The following OGDH variants were observed in gnomAD, a reference collection of about 807,000 sequenced individuals.
OGDH encodes oxoglutarate dehydrogenase, also known as 2-oxoglutarate dehydrogenase complex component E1.
In OGDH, 38 loss-of-function variants were observed where a neutral mutation model predicts 116.6. The observed-to-expected ratio is 0.33, with a 90% CI of 0.25 to 0.43. The LOEUF (loss-of-function observed/expected upper bound fraction) is 0.43. Among genes scored for constraint, OGDH ranks in the 20% least tolerant of loss-of-function variants. The pLI, the probability that OGDH is intolerant of heterozygous loss-of-function variation, is 1.00. For missense variants in OGDH, 825 were observed against 1,357.2 expected (o/e 0.61, Z 6.16); for synonymous variants, 488 against 533.3 (o/e 0.92, Z 1.17).
chr7:44,700,116 C>T, intron 18 of OGDH, 25 bp from the exon 19 acceptor site: 1 of 1,613,736 alleles, frequency 6.2e-7, no homozygotes, highest in Non-Finnish European at 8.5e-7. Context: ...GTCCTGGCCT[C>T]TGGCCATTTC....
chr7:44,609,939 T>G (rs772457089), intron 1 of OGDH, among the ~76,000 whole-genome samples: 2 of 152,242 alleles, frequency 1.3e-5, no homozygotes, highest in Non-Finnish European at 2.9e-5. Context: ...TGATGGCTAA[T>G]GATGTTGAAC....
chr7:44,689,088 C>T (rs1039927252), intron 10 of OGDH, among the ~76,000 whole-genome samples: 3 of 151,698 alleles, frequency 2.0e-5, no homozygotes, highest in African/African-American at 7.3e-5. Context: ...CGGGTATATA[C>T]GTAGGAGTAG....
intron 4 of OGDH, among the ~76,000 whole-genome samples, chr7:44,649,546 G>C (rs1020256343): frequency 6.6e-6 from 1 of 152,030 alleles, no homozygotes; most frequent in Non-Finnish European, 1.5e-5. Flanking sequence ...CAAAACATTC[G>C]AACAGGAGAG....
Position 44,694,056 on chromosome 7 carries a change from T to G in OGDH, c.1515+52T>G. 6.5e-7 allele frequency: 1 copy of G among 1,549,984 alleles called. No homozygotes were observed. Among genetic ancestry groups the G allele is most frequent in the Non-Finnish European group, 8.8e-7 (1 of 1,139,574 alleles). ...CTGGGCAGAGCATCTGACCCACCCCTCTTGCCCTCGGCACCCCTGTGTCCC... is the reference window on the plus strand; with the variant it reads ...CTGGGCAGAGCATCTGACCCACCCCGCTTGCCCTCGGCACCCCTGTGTCCC... On this transcript the variant is annotated intron_variant, in intron 11 of 22. Coordinates refer to ENST00000222673, the MANE Select transcript of OGDH (RefSeq NM_002541.4). The surrounding 1 kb of genome is among the most constrained non-coding windows in gnomAD (Gnocchi z 4.2).
rs528560952 is a variant in OGDH, at chr7:44,662,758, A to G, written c.518-3978A>G. 5.0e-4 allele frequency among the ~76,000 whole-genome samples: 76 copies of G among 152,268 alleles called. 2 individuals carry two copies. The South Asian group carries it at 0.011, about 21-fold the overall frequency. The stretch of plus-strand genomic sequence containing the variant: ...ATTACCGGCGTGAGCCACTGTGCCC[A>G]GCCTATACCACTTCTTTCTACCCTC... On this transcript the variant is annotated intron_variant, in intron 4 of 22. Transcript: ENST00000222673.
At chr7:44,627,892 G>A (rs947721391) in intron 2 of OGDH, among the ~76,000 whole-genome samples, 3 of 152,110 alleles carry the variant, frequency 2.0e-5, no homozygotes, top group Non-Finnish European at 4.4e-5. Flanking sequence ...GGCCAGGCTG[G>A]TCTCAAACTC....
rs369203371 is a variant in OGDH at position 44,676,665 on chromosome 7, G to A, written c.1206+516G>A. On this transcript the variant is annotated intron_variant, in intron 9 of 22. Coordinates refer to ENST00000222673, the MANE Select transcript of OGDH (RefSeq NM_002541.4). ...ATTTAAAATCAACTTTTAAAGAATA[G>A]CAATAGTAAAACAGTCCTGCTTACA... 1.5e-4 allele frequency: 42 copies of A among 289,246 alleles called. No individual in the cohort carries two copies. The East Asian group carries it at 3.2e-3, about 22-fold the overall frequency. The allele number at this position is 289,246 out of a possible 1,614,324, so 17.9% of individuals were successfully genotyped here. A position where few individuals can be genotyped will look rare whatever the true frequency, so the allele number is the denominator to read the frequency against.
At chr7:44,618,488 A>G (rs1056706262) in intron 1 of OGDH, among the ~76,000 whole-genome samples, 1 of 152,140 alleles carries the variant, frequency 6.6e-6, no homozygotes, top group Admixed American at 6.6e-5. Context: ...GGAATGTGAT[A>G]TTATTATCGT....
At chr7:44,659,241 C>A (rs1238118016) in intron 4 of OGDH, among the ~76,000 whole-genome samples, 1 of 152,146 alleles carries the variant, frequency 6.6e-6, no homozygotes, top group African/African-American at 2.4e-5. Flanking sequence ...ATTCAACCAG[C>A]CTTGGATTAG....
At chr7:44,677,831 G>A (rs1162785423) in intron 9 of OGDH, among the ~76,000 whole-genome samples, 2 of 149,368 alleles carry the variant, frequency 1.3e-5, no homozygotes, top group African/African-American at 2.5e-5. Flanking sequence ...CTGAGATCAC[G>A]CCACTGCACT....
chr7:44,694,603 G>A lies in OGDH; in HGVS notation c.1668+27G>A, dbSNP rs1388338921. 4 of 1,609,444 alleles carry A rather than the reference G, an allele frequency of 2.5e-6. No homozygotes were observed. The highest frequency in any genetic ancestry group is 3.4e-6 in the Non-Finnish European group (4 of 1,176,182). On this transcript the variant is annotated intron_variant, in intron 12 of 22. Coordinates refer to ENST00000222673, the MANE Select transcript of OGDH (RefSeq NM_002541.4). The surrounding 1 kb of genome is among the most constrained non-coding windows in gnomAD (Gnocchi z 4.2). Reference sequence around the variant, plus strand: ...TACGTCCCTGCGGCTCTATCCCAGTGCGCCTTTCCAGGGCTGGCGATGACT... The same window carrying A: ...TACGTCCCTGCGGCTCTATCCCAGTACGCCTTTCCAGGGCTGGCGATGACT...
chr7:44,656,199 T>C (rs1786683364), intron 4 of OGDH: 3 of 924,878 alleles, frequency 3.2e-6, no homozygotes, highest in South Asian at 1.4e-5. Context: ...TGATGGTGTC[T>C]GTGCTACCTG....
intron 2 of OGDH, among the ~76,000 whole-genome samples, chr7:44,635,255 C>T (rs1295424233): frequency 6.6e-6 from 1 of 152,140 alleles, no homozygotes; most frequent in Non-Finnish European, 1.5e-5. Context: ...AGCCATACGC[C>T]GGTGTTCCTT....
rs117830440 is a variant in OGDH at position 44,681,073 on chromosome 7, C to G, written c.1207-647C>G. Among the ~76,000 whole-genome samples, 12 of 152,268 alleles carry G rather than the reference C, an allele frequency of 7.9e-5. No individual in the cohort carries two copies. In the East Asian group the frequency reaches 2.3e-3, roughly 29 times the overall value. ...CTGGTGTTTGCCATCCATCAACCAC[C>G]CAAGGGGCTGGTTCAGACGCAGTTG... On this transcript the variant is annotated intron_variant, in intron 9 of 22. Transcript: ENST00000222673.
chr7:44,615,394 A>T (rs1784732545), intron 1 of OGDH, among the ~76,000 whole-genome samples: 1 of 152,042 alleles, frequency 6.6e-6, no homozygotes, highest in South Asian at 2.1e-4. Context: ...GTGCTGCTTC[A>T]TTACTGCTGG....
rs1443582437 is a variant in OGDH, at chr7:44,624,448, A to G, written c.105A>G (p.Gln35=). Reference sequence around the variant, plus strand: ...GACCAGCAGCAGCTAGGACATTTCAACAGATTCGGTGCTATTCTGCACCTG... The same window carrying G: ...GACCAGCAGCAGCTAGGACATTTCAGCAGATTCGGTGCTATTCTGCACCTG... The part of the protein sequence containing the change: ...QNRPAAARTF[Q]QIRCYSAPVA... Residue 35 remains glutamine (Q), a synonymous_variant, in exon 2 of 23, where the codon CAA becomes CAG. Transcript: ENST00000222673. 6.2e-7 allele frequency: 1 copy of G among 1,613,454 alleles called. No individual in the cohort carries two copies. Among genetic ancestry groups the G allele is most frequent in the Non-Finnish European group, 8.5e-7 (1 of 1,179,924 alleles).
chr7:44,689,407 T>C (rs1308080802), intron 10 of OGDH, among the ~76,000 whole-genome samples: 1 of 140,880 alleles, frequency 7.1e-6, no homozygotes, highest in Non-Finnish European at 1.5e-5. Context: ...TTTTTTTTTT[T>C]TTTTTTTTTT....
At chr7:44,701,659 T>G (rs1475967943) in intron 20 of OGDH, 44 bp downstream of exon 20, 1 of 1,541,144 alleles carries the variant, frequency 6.5e-7, no homozygotes, top group African/African-American at 1.4e-5. Flanking sequence ...GAAGCTATGT[T>G]TGGGGCTTCT....
intron 2 of OGDH, among the ~76,000 whole-genome samples, chr7:44,630,301 C>T (rs773933383): frequency 5.3e-5 from 8 of 152,156 alleles, no homozygotes; most frequent in Non-Finnish European, 8.8e-5. Context: ...GCTGCATGTG[C>T]GGTGAAGGGG....
Sources: allele counts gnomAD v4.1 joint callset (sites outside exome capture counted in the v4.1 genomes callset), GRCh38; gene constraint gnomAD v4.1.1; non-coding constraint Gnocchi (gnomAD v3.1); transcripts MANE v1.5; gene names NCBI Gene and HGNC (gene_info 2026-07-23, HGNC 2026-07-21).